Variants in CRADD observed in about 807,000 individuals in gnomAD.
The protein encoded by CRADD is CARD and death domain containing adaptor protein.
A neutral mutation model predicts 15.5 loss-of-function variants in CRADD; 9 were observed. The observed-to-expected ratio is 0.58, with a 90% CI of 0.35 to 1.01. The LOEUF is 1.01. Among genes scored for constraint, CRADD ranks in the 50% least tolerant of loss-of-function variants. The pLI, the probability that CRADD is intolerant of heterozygous loss-of-function variation, is 0.02. For missense variants in CRADD, 227 were observed against 250.3 expected (o/e 0.91, Z 0.63); for synonymous variants, 118 against 107.6 (o/e 1.10, Z -0.60).
chr12:93,888,168 G>T (rs1466250555), intron 2 of CRADD, among the ~76,000 whole-genome samples: 1 of 152,160 alleles, frequency 6.6e-6, no homozygotes, highest in African/African-American at 2.4e-5. Flanking sequence ...GCTTATGCCT[G>T]TAATCCCAGC....
At chr12:93,870,517 A>G (rs764929482) in intron 2 of CRADD, among the ~76,000 whole-genome samples, 1 of 152,166 alleles carries the variant, frequency 6.6e-6, no homozygotes, top group African/African-American at 2.4e-5. Context: ...CAGGAGCTCT[A>G]TTCCTGGTAG....
At chr12:93,751,527 C>T (rs1240122637) in intron 2 of CRADD, among the ~76,000 whole-genome samples, 5 of 152,158 alleles carry the variant, frequency 3.3e-5, no homozygotes, top group Non-Finnish European at 5.9e-5. Flanking sequence ...TTAAACAAAT[C>T]CTAGTACTGA....
At chr12:93,860,013 G>A (rs7314222) in intron 2 of CRADD, among the ~76,000 whole-genome samples, 116,898 of 151,862 alleles carry the variant, frequency 0.77, 45,243 homozygotes, top group Middle Eastern at 0.86. Context: ...TACAGACATT[G>A]GCCACTGTAT....
chr12:93,762,561 G>A (rs1956978866), intron 2 of CRADD, among the ~76,000 whole-genome samples: 1 of 152,156 alleles, frequency 6.6e-6, no homozygotes, highest in Admixed American at 6.5e-5. Context: ...AGTTGAGCTG[G>A]ACCTTAAATG....
At chr12:93,863,597 T>TG (rs1491154181) in intron 2 of CRADD, among the ~76,000 whole-genome samples, 1 of 8,820 alleles carries the variant, frequency 1.1e-4, no homozygotes, top group Non-Finnish European at 2.0e-4. Context: ...TGGAGGCATT[T>TG]GTGTGTGTGT....
chr12:93,711,110 C>T (rs1956064961), intron 2 of CRADD, among the ~76,000 whole-genome samples: 2 of 115,208 alleles, frequency 1.7e-5, no homozygotes, highest in Non-Finnish European at 3.4e-5. Context: ...TGTACATGTT[C>T]CTCTGGGTAT....
At chr12:93,843,854 G>A (rs544558910) in intron 2 of CRADD, among the ~76,000 whole-genome samples, 38 of 152,000 alleles carry the variant, frequency 2.5e-4, no homozygotes, top group African/African-American at 7.5e-4. Flanking sequence ...CCAAGTAGCT[G>A]GAATTACAGG....
At chr12:93,773,161 T>TA (rs1325707561) in intron 2 of CRADD, among the ~76,000 whole-genome samples, 1 of 152,230 alleles carries the variant, frequency 6.6e-6, no homozygotes, top group African/African-American at 2.4e-5. Context: ...CAATATGTCT[T>TA]ACGTAAGTCA....
chr12:93,709,028 G>T (rs180837731), intron 2 of CRADD: 2 of 152,326 alleles, frequency 1.3e-5, no homozygotes, highest in African/African-American at 4.8e-5. Context: ...TGTTCATGAA[G>T]GCTCTGCCAA....
chr12:93,888,199 G>A (rs542990975), intron 2 of CRADD, among the ~76,000 whole-genome samples: 1 of 152,310 alleles, frequency 6.6e-6, no homozygotes, highest in African/African-American at 2.4e-5. Flanking sequence ...GCCGAGGCAG[G>A]CGGATCACGA....
intron 2 of CRADD, among the ~76,000 whole-genome samples, chr12:93,783,548 C>T (rs1427551502): frequency 1.3e-5 from 2 of 151,926 alleles, no homozygotes; most frequent in Non-Finnish European, 2.9e-5. Context: ...GTAACAATTA[C>T]AAAGATTTCA....
intron 2 of CRADD, chr12:93,837,271 GTT>G (rs778581322): frequency 0.032 from 4,660 of 147,186 alleles, 255 homozygotes; most frequent in African/African-American, 0.11. Flanking sequence ...TTGTTTGTTT[GTT>G]TTTGTTTTTT....
At chr12:93,724,146 G>A (rs1335559589) in intron 2 of CRADD, among the ~76,000 whole-genome samples, 1 of 152,088 alleles carries the variant, frequency 6.6e-6, no homozygotes, top group Non-Finnish European at 1.5e-5. Context: ...TTGGGAGGCC[G>A]AGGTGGGTAG....
intron 2 of CRADD, among the ~76,000 whole-genome samples, chr12:93,881,397 C>T (rs973173340): frequency 3.1e-5 from 4 of 131,102 alleles, no homozygotes; most frequent in African/African-American, 8.2e-5. Context: ...TTTAGAAACA[C>T]GTCAATTTTT....
At chr12:93,875,596 A>G (rs1428935563) in intron 2 of CRADD, among the ~76,000 whole-genome samples, 1 of 151,914 alleles carries the variant, frequency 6.6e-6, no homozygotes, top group Non-Finnish European at 1.5e-5. Flanking sequence ...TGAGGTTACC[A>G]CAAAGCTTGC....
At chr12:93,726,094 GTTTTTTTTTTT>G (rs1165429350) in intron 2 of CRADD, among the ~76,000 whole-genome samples, 2 of 96,010 alleles carry the variant, frequency 2.1e-5, no homozygotes, top group East Asian at 3.3e-4. Flanking sequence ...AAATAGTTTA[GTTTTTTTTTTT>G]TTTTTTTTTT....
intron 2 of CRADD, among the ~76,000 whole-genome samples, chr12:93,825,682 C>T (rs924522243): frequency 2.6e-5 from 4 of 152,138 alleles, no homozygotes; most frequent in African/African-American, 9.7e-5. Flanking sequence ...CTGGCTAAGC[C>T]TAGGAGAAGC....
intron 2 of CRADD, among the ~76,000 whole-genome samples, chr12:93,860,648 T>C (rs1443438039): frequency 6.6e-6 from 1 of 152,002 alleles, no homozygotes. Flanking sequence ...AAAGAACATT[T>C]TGGGCAGAGG....
At chr12:93,686,551 A>C (rs1175028488) in intron 2 of CRADD, among the ~76,000 whole-genome samples, 1 of 152,168 alleles carries the variant, frequency 6.6e-6, no homozygotes, top group Non-Finnish European at 1.5e-5. Context: ...GAATTAGTTA[A>C]ATTAACTAGA....
Sources: gnomAD v4.1 joint callset for allele counts (sites outside exome capture counted in the v4.1 genomes callset) on GRCh38, gnomAD v4.1.1 for gene constraint, MANE v1.5 for transcripts, NCBI Gene and HGNC (gene_info 2026-07-23, HGNC 2026-07-21) for gene names.